AREL1: variants seen among roughly 807,000 people sequenced by gnomAD.
AREL1 encodes apoptosis resistant E3 ubiquitin protein ligase 1, also known as apoptosis-resistant E3 ubiquitin protein ligase 1.
Under a neutral mutation model 99.0 loss-of-function variants are expected in AREL1, and 62 were observed. The observed-to-expected ratio is 0.63, with a 90% CI of 0.51 to 0.77. The LOEUF is 0.77. Among genes scored for constraint, AREL1 ranks in the 30% least tolerant of loss-of-function variants. The pLI is 0.00. For missense variants in AREL1, 879 were observed against 1,027.6 expected, an observed-to-expected ratio of 0.86 and a Z score of 1.98; for synonymous variants, 380 against 376.5, an observed-to-expected ratio of 1.01 and a Z score of -0.11.
intron 8 of AREL1, among the ~76,000 whole-genome samples, chr14:74,674,444 A>G (rs2089425868): frequency 1.3e-5 from 2 of 152,262 alleles, no homozygotes; most frequent in African/African-American, 2.4e-5. Context: ...TACTAAAAAT[A>G]CAAAAAAATT....
rs1448641838 is a variant in AREL1, at chr14:74,662,274, C to T, written c.*1446G>A. 3.6e-6 allele frequency: 1 copy of T among 280,728 alleles called. No homozygotes were observed. Among genetic ancestry groups the T allele is most frequent in the African/African-American group, 2.2e-5 (1 of 45,980 alleles). The allele number at this position is 280,728 out of a possible 1,614,324, so 17.4% of individuals were successfully genotyped here. ...GAACAGGAGGGCTCAGACATGCTTC[C>T]AGGAGGCCAAGGCATTGCCAAAGTC... On this transcript the variant is annotated 3_prime_UTR_variant, in exon 20 of 20. Coordinates refer to ENST00000356357, the MANE Select transcript of AREL1 (RefSeq NM_001039479.2).
chr14:74,705,567 T>C (rs2090162738), intron 1 of AREL1, among the ~76,000 whole-genome samples: 1 of 152,124 alleles, frequency 6.6e-6, no homozygotes, highest in Non-Finnish European at 1.5e-5. Flanking sequence ...AATAAACTAG[T>C]TACCCTTCTG....
chr14:74,699,348 G>GGTGT (rs770359342), intron 1 of AREL1, among the ~76,000 whole-genome samples: 2,764 of 143,490 alleles, frequency 0.019, 74 homozygotes, highest in African/African-American at 0.05. Flanking sequence ...GACAGTGAGG[G>GGTGT]GTGTGTGTGT....
At chr14:74,693,605 C>T (rs1465547205) in intron 1 of AREL1, among the ~76,000 whole-genome samples, 1 of 152,258 alleles carries the variant, frequency 6.6e-6, no homozygotes, top group East Asian at 1.9e-4. Flanking sequence ...AACACAGATA[C>T]AATTATCCCT....
intron 13 of AREL1, 86 bp downstream of exon 13, chr14:74,670,676 C>T (rs983224359): frequency 5.3e-6 from 6 of 1,136,628 alleles, no homozygotes; most frequent in Non-Finnish European, 7.8e-6. Context: ...TGTCAGGTTC[C>T]CAGATCAGTT....
intron 3 of AREL1, 22 bp downstream of exon 3, chr14:74,685,574 TAGAG>T (rs752874958): frequency 1.9e-5 from 31 of 1,613,520 alleles, no homozygotes; most frequent in African/African-American, 5.3e-5. Context: ...AAAAATATAA[TAGAG>T]AGAGCTCTTT....
At position 74,687,379 on chromosome 14, in the gene AREL1, C is replaced by A. The variant is rs537624983; in HGVS notation, c.-45-1719G>T. Among the ~76,000 whole-genome samples, 13 of 152,278 alleles carry A rather than the reference C, an allele frequency of 8.5e-5. No individual in the cohort carries two copies. The South Asian group carries it at 2.7e-3, about 32-fold the overall frequency. On this transcript the variant is annotated intron_variant, in intron 2 of 19. Coordinates refer to ENST00000356357, the MANE Select transcript of AREL1 (RefSeq NM_001039479.2). ...AGCCTGGAGAACAATCCCAGGACTG[C>A]AAACTGTGTGACCTATCTAGGCTTC... is the stretch of plus-strand genomic sequence containing the variant.
intron 5 of AREL1, among the ~76,000 whole-genome samples, chr14:74,682,667 G>A (rs1335544628): frequency 1.3e-5 from 2 of 152,200 alleles, no homozygotes; most frequent in African/African-American, 4.8e-5. Context: ...GGAGGTGATG[G>A]GGTCATAGGG....
At chr14:74,669,840 G>C in intron 14 of AREL1, 66 bp from the exon 15 acceptor site, 1 of 1,599,494 alleles carries the variant, frequency 6.3e-7, no homozygotes. Flanking sequence ...TAACTGCTTA[G>C]AACCACTTAT....
chr14:74,669,782 G>A lies in AREL1; in HGVS notation c.1789-8C>T, dbSNP rs1277789013. On this transcript the variant is annotated splice_polypyrimidine_tract_variant and splice_region_variant and intron_variant, in intron 14 of 19. Coordinates refer to ENST00000356357, the MANE Select transcript of AREL1 (RefSeq NM_001039479.2). ...GTCATCTGTTTCAAAGTACTGAGGA[G>A]GCAGAAAGACACAGAACAGAACATG... is the stretch of plus-strand genomic sequence containing the variant. 1 of 1,613,990 alleles carries A rather than the reference G, an allele frequency of 6.2e-7. No individual in the cohort carries two copies. Among genetic ancestry groups the A allele is most frequent in the East Asian group, 2.2e-5 (1 of 44,876 alleles).
rs999653452 is a variant in AREL1, at chr14:74,670,521, G to A, written c.1608+241C>T. The A allele has an allele frequency of 1.8e-4, 87 of 474,224 alleles. No individual in the cohort carries two copies. In the South Asian group the frequency reaches 2.7e-3, roughly 15 times the overall value. 29.4% of individuals were successfully genotyped at this position (474,224 alleles called of 1,614,324 possible). A position where few individuals can be genotyped will look rare whatever the true frequency, so the allele number is the denominator to read the frequency against. On this transcript the variant is annotated intron_variant, in intron 13 of 19. Transcript: ENST00000356357. ...AATTATTATAATAATTAGTAGAGTA[G>A]ACATTATACTATAATGTTTTTAGTC... is the stretch of plus-strand genomic sequence containing the variant.
chr14:74,704,987 CTTTCAAATTCAATGCT>C (rs1199301061), intron 1 of AREL1, among the ~76,000 whole-genome samples: 1 of 151,658 alleles, frequency 6.6e-6, no homozygotes, highest in African/African-American at 2.4e-5. Context: ...CCCCTTGTTT[CTTTCAAATTCAATGCT>C]GCACATTACC....
At chr14:74,698,881 G>T in intron 1 of AREL1, 1 of 181,360 alleles carries the variant, frequency 5.5e-6, no homozygotes, top group Admixed American at 5.6e-5. Flanking sequence ...AAAAAAAGCT[G>T]GGTGTGGTGG....
intron 1 of AREL1, among the ~76,000 whole-genome samples, chr14:74,703,393 C>T (rs1291585000): frequency 6.6e-6 from 1 of 152,182 alleles, no homozygotes; most frequent in Non-Finnish European, 1.5e-5. Flanking sequence ...ATTCAATTAT[C>T]TCCCACTGGA....
chr14:74,706,081 C>T (rs546881406), intron 1 of AREL1, among the ~76,000 whole-genome samples: 1 of 152,290 alleles, frequency 6.6e-6, no homozygotes, highest in African/African-American at 2.4e-5. Flanking sequence ...CTCTTCCCTC[C>T]TATCTTGATG....
At chr14:74,666,475 A>G (rs1229213779) in intron 17 of AREL1, among the ~76,000 whole-genome samples, 3 of 152,170 alleles carry the variant, frequency 2.0e-5, no homozygotes, top group Non-Finnish European at 4.4e-5. Context: ...TATAAATAAA[A>G]ATATATACTA....
chr14:74,688,126 C>T (rs536888713), intron 2 of AREL1, among the ~76,000 whole-genome samples: 2 of 149,526 alleles, frequency 1.3e-5, no homozygotes, highest in Admixed American at 6.7e-5. Flanking sequence ...CCCGGGTTCG[C>T]GCCATTCTCC....
chr14:74,668,476 T>C (rs2139862546), intron 15 of AREL1, among the ~76,000 whole-genome samples: 1 of 152,326 alleles, frequency 6.6e-6, no homozygotes. Flanking sequence ...GGATTTTTTT[T>C]TTAATGTAAG....
At chr14:74,673,361 T>C in intron 9 of AREL1, 143 bp from the exon 10 acceptor site, 2 of 822,432 alleles carry the variant, frequency 2.4e-6, no homozygotes, top group East Asian at 2.7e-5. Context: ...ATACATTTCA[T>C]TATTTTTCCC....
Sources: gnomAD v4.1 joint callset for allele counts (sites outside exome capture counted in the v4.1 genomes callset) on GRCh38, gnomAD v4.1.1 for gene constraint, MANE v1.5 for transcripts, NCBI Gene and HGNC (gene_info 2026-07-23, HGNC 2026-07-21) for gene names.